The following DMD variants were observed in gnomAD, a reference collection of about 807,000 sequenced individuals.
DMD encodes the protein mutant dystrophin.
DMD carries 63 observed loss-of-function variants against 330.1 expected under a neutral mutation model. The observed-to-expected ratio is 0.19, with a 90% CI of 0.16 to 0.24. DMD has a LOEUF of 0.24. DMD is among the 10% of genes least tolerant of loss of function. The pLI is 1.00. For missense variants in DMD, 3,344 were observed against 2,684.1 expected (o/e 1.25, Z -5.43); for synonymous variants, 1,223 against 959.8 (o/e 1.27, Z -5.07).
intron 34 of DMD, among the ~76,000 whole-genome samples, chrX:32,366,246 G>A (rs1358879972): frequency 8.9e-6 from 1 of 112,132 alleles, no homozygotes; most frequent in African/African-American, 3.2e-5. Flanking sequence ...GACAGACAAT[G>A]TGGCCACTCG....
At chrX:31,642,540 T>C (rs909104054) in intron 54 of DMD, among the ~76,000 whole-genome samples, 11 of 112,367 alleles carry the variant, frequency 9.8e-5, no homozygotes, top group African/African-American at 2.3e-4. Flanking sequence ...ATTGACAACA[T>C]TGATGATGAC....
intron 55 of DMD, among the ~76,000 whole-genome samples, chrX:31,585,778 T>C (rs1045265235): frequency 2.7e-5 from 3 of 111,704 alleles, no homozygotes; most frequent in Non-Finnish European, 5.6e-5. Context: ...TCAGCAACAA[T>C]AGTATCCCCT....
chrX:32,439,716 CA>C (rs1359425763), intron 28 of DMD, among the ~76,000 whole-genome samples: 3 of 111,035 alleles, frequency 2.7e-5, no homozygotes, highest in African/African-American at 9.8e-5. Context: ...CCTGGATAAG[CA>C]TCAGCAACAC....
intron 44 of DMD, among the ~76,000 whole-genome samples, chrX:32,166,882 GT>G (rs1406070540): frequency 1.8e-5 from 2 of 111,977 alleles, no homozygotes; most frequent in Admixed American, 1.9e-4. Flanking sequence ...ATTATTAGCA[GT>G]TTTTTTAAAT....
intron 2 of DMD, among the ~76,000 whole-genome samples, chrX:33,009,183 CGTATATATGTATATATGT>C (rs2093509970): frequency 1.1e-4 from 3 of 28,385 alleles, no homozygotes; most frequent in African/African-American, 1.5e-4. Flanking sequence ...TGTATATATA[CGTATATATGTATATATGT>C]GTATATATAC....
chrX:33,099,164 A>T (rs1252792803), intron 1 of DMD, among the ~76,000 whole-genome samples: 1 of 111,802 alleles, frequency 8.9e-6, no homozygotes, highest in Admixed American at 9.6e-5. Flanking sequence ...GTTACTATTT[A>T]TTCCCATTTA....
intron 44 of DMD, among the ~76,000 whole-genome samples, chrX:32,147,057 T>C (rs1035069482): frequency 1.1e-4 from 12 of 112,017 alleles, no homozygotes; most frequent in Admixed American, 8.6e-4. Context: ...AACTCTATGA[T>C]GTAAGTCAAT....
At chrX:31,569,103 T>G (rs1178979036) in intron 55 of DMD, among the ~76,000 whole-genome samples, 1 of 111,370 alleles carries the variant, frequency 9.0e-6, no homozygotes, top group East Asian at 2.8e-4. Context: ...CAGGTGGTGT[T>G]AAAGTTTTCA....
In DMD at chrX:32,815,520, T is replaced by TATACACACACACACACACACAC; in HGVS notation, c.530+947_530+948insGTGTGTGTGTGTGTGTGTGTAT. Among the ~76,000 whole-genome samples, 6 of 78,959 alleles carry TATACACACACACACACACACAC rather than the reference T, an allele frequency of 7.6e-5. 1 individual carries two copies. Among genetic ancestry groups the TATACACACACACACACACACAC allele is most frequent in the African/African-American group, 3.2e-4 (6 of 18,856 alleles). The allele number at this position is 78,959 out of a possible 115,157, so 68.6% of individuals were successfully genotyped here. ...ATATATATATATATATATATATATATACACACACACACACACATATATATA... is the reference window on the plus strand; with the variant it reads ...ATATATATATATATATATATATATATATACACACACACACACACACACACACACACACACACACATATATATA... On this transcript the variant is annotated intron_variant, in intron 6 of 78. Coordinates refer to ENST00000357033, the MANE Select transcript of DMD (RefSeq NM_004006.3).
chrX:31,243,298 G>T (rs1648859906), intron 63 of DMD, among the ~76,000 whole-genome samples: 1 of 111,792 alleles, frequency 8.9e-6, no homozygotes, highest in South Asian at 3.7e-4. Flanking sequence ...AAAATGTGAA[G>T]AAACAGGAGT....
intron 44 of DMD, among the ~76,000 whole-genome samples, chrX:31,983,326 T>C (rs2095489266): frequency 9.0e-6 from 1 of 111,202 alleles, no homozygotes; most frequent in African/African-American, 3.3e-5. Flanking sequence ...TTGGCCTTAA[T>C]ACAAAACTCA....
intron 9 of DMD, among the ~76,000 whole-genome samples, chrX:32,647,376 G>A (rs2059849095): frequency 9.0e-6 from 1 of 111,637 alleles, no homozygotes; most frequent in Admixed American, 9.6e-5. Flanking sequence ...TATGGCGTAA[G>A]TGTGTTATGT....
intron 1 of DMD, among the ~76,000 whole-genome samples, chrX:33,186,909 T>C (rs2050287302): frequency 8.9e-6 from 1 of 112,045 alleles, no homozygotes; most frequent in South Asian, 3.7e-4. Flanking sequence ...AAATATCTTG[T>C]CACCTCCTGT....
At chrX:33,298,121 T>C (rs779501110) in intron 1 of DMD, among the ~76,000 whole-genome samples, 11 of 111,456 alleles carry the variant, frequency 9.9e-5, no homozygotes, top group South Asian at 7.5e-4. Flanking sequence ...AACATATCAT[T>C]ACAGCAGCTA....
At position 32,595,776 on chromosome X, in the gene DMD, G is replaced by A. The variant is rs753624531; in HGVS notation, c.1583C>T (p.Ala528Val). 8.3e-7 allele frequency: 1 copy of A among 1,210,574 alleles called. No homozygotes were observed. Among genetic ancestry groups the A allele is most frequent in the Non-Finnish European group, 1.1e-6 (1 of 894,497 alleles). The part of the protein sequence containing the change: ...DESSGDHATA[A>V]LEEQLKVLGD... ...TCTGACCTTAAGTTGTTCTTCCAAA[G>A]CAGCAGTTGCGTGATCTCCACTAGA... Residue 528 changes from alanine (A) to valine (V), a missense_variant, in exon 13 of 79, where the codon GCT becomes GTT. Transcript: ENST00000357033.
chrX:32,604,157 G>T (rs769528883), intron 12 of DMD, among the ~76,000 whole-genome samples: 16 of 110,361 alleles, frequency 1.4e-4, no homozygotes, highest in African/African-American at 5.3e-4. Context: ...TGACAATAAC[G>T]TGAGCTTTAT....
intron 44 of DMD, among the ~76,000 whole-genome samples, chrX:32,141,127 T>C (rs1177508059): frequency 4.5e-5 from 5 of 110,771 alleles, no homozygotes; most frequent in Non-Finnish European, 9.4e-5. Flanking sequence ...TTAATATTTT[T>C]AAATGAATAA....
intron 60 of DMD, among the ~76,000 whole-genome samples, chrX:31,415,431 TAC>T (rs1487363991): frequency 1.8e-5 from 2 of 112,058 alleles, no homozygotes; most frequent in African/African-American, 3.2e-5. Context: ...CTTTAAGAAA[TAC>T]AGAGTTACTC....
intron 30 of DMD, among the ~76,000 whole-genome samples, chrX:32,410,784 C>T (rs1425197288): frequency 2.7e-5 from 3 of 112,164 alleles, no homozygotes; most frequent in Non-Finnish European, 5.6e-5. Flanking sequence ...AAAATGAGAA[C>T]AGCATTTTAA....
Sources: gnomAD v4.1 joint callset for allele counts (sites outside exome capture counted in the v4.1 genomes callset) on GRCh38, gnomAD v4.1.1 for gene constraint, MANE v1.5 for transcripts, NCBI Gene and HGNC (gene_info 2026-07-23, HGNC 2026-07-21) for gene names.